The following STAB2 variants were observed in gnomAD, a reference collection of about 807,000 sequenced individuals.
STAB2 encodes the protein stabilin 2.
In STAB2, 288 loss-of-function variants were observed where a neutral mutation model predicts 338.1. The ratio of observed to expected loss-of-function variants is 0.85; its 90% CI spans 0.77 to 0.94. The LOEUF (loss-of-function observed/expected upper bound fraction) is 0.94. Among genes scored for constraint, STAB2 ranks in the 40% least tolerant of loss-of-function variants. The probability of loss-of-function intolerance (pLI) is 0.00; values close to 1 mark genes in which losing one functional copy is unlikely to be tolerated. For synonymous variants in STAB2, 1,202 were observed against 1,193.3 expected, an observed-to-expected ratio of 1.01 and a Z score of -0.15; for missense variants, 3,141 against 3,210.1, an observed-to-expected ratio of 0.98 and a Z score of 0.52.
Position 103,757,919 on chromosome 12 carries a change from G to A in STAB2, c.6988-251G>A, listed in dbSNP as rs1884254877. 5 of 515,458 alleles carry A rather than the reference G, an allele frequency of 9.7e-6. No homozygotes were observed. In the East Asian group the frequency reaches 1.7e-4, roughly 17 times the overall value. 31.9% of individuals were successfully genotyped at this position (515,458 alleles called of 1,614,324 possible). A position where few individuals can be genotyped will look rare whatever the true frequency, so the allele number is the denominator to read the frequency against. ...TCGAGATTTGATGCACCTTTCAAAG[G>A]GCTGCTCAAGCAGCCACGTGGAGGA... On this transcript the variant is annotated intron_variant, in intron 63 of 68. Transcript: ENST00000388887.
intron 3 of STAB2, among the ~76,000 whole-genome samples, chr12:103,615,242 A>G (rs1295291157): frequency 6.6e-6 from 1 of 152,134 alleles, no homozygotes; most frequent in African/African-American, 2.4e-5. Flanking sequence ...CTAGAGATAC[A>G]AGAGATTACT....
chr12:103,640,820 C>A (rs1382159184), intron 9 of STAB2, among the ~76,000 whole-genome samples: 1 of 152,202 alleles, frequency 6.6e-6, no homozygotes, highest in Non-Finnish European at 1.5e-5. Flanking sequence ...AGCACTGATA[C>A]CTACCAGATG....
In STAB2 at chr12:103,717,744, C is replaced by A; in HGVS notation, c.4612-26C>A. The A allele has an allele frequency of 5.0e-6, 8 of 1,613,046 alleles. No individual in the cohort carries two copies. In the South Asian group the frequency reaches 8.8e-5, roughly 18 times the overall value. On this transcript the variant is annotated intron_variant, in intron 43 of 68. Transcript: ENST00000388887. The stretch of plus-strand genomic sequence containing the variant: ...AGTACAGAACCCACCTGCAAAATGA[C>A]CCCATGTGCTTCTACTCCTGGACAG...
chr12:103,604,065 C>T (rs1314634382), intron 3 of STAB2, among the ~76,000 whole-genome samples: 3 of 152,082 alleles, frequency 2.0e-5, no homozygotes, highest in Non-Finnish European at 4.4e-5. Context: ...GACCTCATAT[C>T]CTGAGAAATT....
intron 15 of STAB2, among the ~76,000 whole-genome samples, chr12:103,656,965 C>T (rs1874236916): frequency 6.6e-6 from 1 of 151,894 alleles, no homozygotes; most frequent in African/African-American, 2.4e-5. Flanking sequence ...GGATTACAGG[C>T]GTGAGCCACC....
At chr12:103,620,396 G>A in intron 3 of STAB2, 72 bp from the exon 4 acceptor site, 2 of 1,385,904 alleles carry the variant, frequency 1.4e-6, no homozygotes, top group Non-Finnish European at 2.0e-6. Context: ...CTTAGTAGGT[G>A]TTTAAGCGCA....
intron 67 of STAB2, chr12:103,763,247 G>A (rs902829073): frequency 6.1e-6 from 3 of 492,124 alleles, no homozygotes; most frequent in Admixed American, 3.4e-5. Context: ...ACACATCCTG[G>A]GGTATGGAAA....
At chr12:103,682,163 G>A (rs567576166) in intron 25 of STAB2, among the ~76,000 whole-genome samples, 3 of 152,118 alleles carry the variant, frequency 2.0e-5, no homozygotes, top group East Asian at 3.9e-4. Flanking sequence ...GGGAAGATGG[G>A]AAGATGGGAA....
At chr12:103,643,520 C>G (rs946806718) in intron 9 of STAB2, among the ~76,000 whole-genome samples, 1 of 152,070 alleles carries the variant, frequency 6.6e-6, no homozygotes, top group Non-Finnish European at 1.5e-5. Context: ...CTCTCTGATG[C>G]CCCTCCCTCT....
intron 5 of STAB2, among the ~76,000 whole-genome samples, chr12:103,623,507 T>C (rs932996844): frequency 2.0e-5 from 3 of 151,772 alleles, no homozygotes; most frequent in African/African-American, 7.3e-5. Flanking sequence ...AGTTACGAAA[T>C]ATGAGAAAGA....
At chr12:103,629,963 T>A (rs1468787741) in intron 5 of STAB2, among the ~76,000 whole-genome samples, 2 of 152,196 alleles carry the variant, frequency 1.3e-5, no homozygotes, top group African/African-American at 4.8e-5. Flanking sequence ...CTAAGATGTA[T>A]AAAATAAAGT....
At chr12:103,684,843 C>T (rs1419815548) in intron 26 of STAB2, 146 bp from the exon 27 acceptor site, 1 of 581,170 alleles carries the variant, frequency 1.7e-6, no homozygotes, top group African/African-American at 1.8e-5. Context: ...TTCACTGCAA[C>T]ACTAAAGGGT....
intron 42 of STAB2, among the ~76,000 whole-genome samples, chr12:103,714,507 G>A (rs996067456): frequency 1.3e-5 from 2 of 152,256 alleles, no homozygotes; most frequent in Non-Finnish European, 2.9e-5. Context: ...AGACAAGCCT[G>A]GCCAACATGG....
At chr12:103,669,031 C>A (rs958152231) in intron 20 of STAB2, among the ~76,000 whole-genome samples, 1 of 152,156 alleles carries the variant, frequency 6.6e-6, no homozygotes, top group African/African-American at 2.4e-5. Flanking sequence ...TCAGAGCATG[C>A]ACACTTGCCA....
intron 7 of STAB2, among the ~76,000 whole-genome samples, chr12:103,637,445 T>A (rs1056580426): frequency 1.3e-5 from 2 of 152,226 alleles, no homozygotes; most frequent in African/African-American, 4.8e-5. Context: ...GAGATTTTTA[T>A]GTTTCCATAT....
chr12:103,618,122 G>A (rs1336747364), intron 3 of STAB2, among the ~76,000 whole-genome samples: 1 of 152,196 alleles, frequency 6.6e-6, no homozygotes. Context: ...AAGAACTGCT[G>A]CTATGGTCTG....
At chr12:103,731,515 G>A in intron 49 of STAB2, 61 bp from the exon 50 acceptor site, 2 of 1,573,324 alleles carry the variant, frequency 1.3e-6, no homozygotes, top group Non-Finnish European at 1.7e-6. Flanking sequence ...TTGAGCTCTT[G>A]TTAAATTCCT....
chr12:103,706,646 A>T, intron 37 of STAB2, 146 bp from the exon 38 acceptor site: 1 of 1,020,126 alleles, frequency 9.8e-7, no homozygotes, highest in Middle Eastern at 2.7e-4. Flanking sequence ...CAGTCCCCAG[A>T]GGGTCCTGCC....
chr12:103,746,959 T>C (rs1883099008), intron 58 of STAB2, among the ~76,000 whole-genome samples: 1 of 149,394 alleles, frequency 6.7e-6, no homozygotes, highest in African/African-American at 2.5e-5. Flanking sequence ...CTTTTTTTTT[T>C]TTTTTTTTTT....
Sources: gnomAD v4.1 joint callset for allele counts (sites outside exome capture counted in the v4.1 genomes callset) on GRCh38, gnomAD v4.1.1 for gene constraint, MANE v1.5 for transcripts, NCBI Gene and HGNC (gene_info 2026-07-23, HGNC 2026-07-21) for gene names.